Variants in GRM7 observed in about 807,000 individuals in gnomAD.
The protein encoded by GRM7 is metabotropic glutamate receptor 7.
Under a neutral mutation model 84.5 loss-of-function variants are expected in GRM7, and 35 were observed. The ratio of observed to expected loss-of-function variants is 0.41; its 90% confidence interval spans 0.32 to 0.55. The LOEUF is 0.55. Ranked by LOEUF, GRM7 falls within the 20% of genes least tolerant of loss-of-function variation. The pLI is 0.19. For synonymous variants in GRM7, 487 were observed against 455.1 expected, an observed-to-expected ratio of 1.07 and a Z score of -0.89; for missense variants, 1,003 against 1,194.6, an observed-to-expected ratio of 0.84 and a Z score of 2.36.
chr3:7,675,920 A>G (rs184927629), intron 8 of GRM7, among the ~76,000 whole-genome samples: 45 of 152,288 alleles, frequency 3.0e-4, no homozygotes, highest in Admixed American at 2.2e-3. Flanking sequence ...ATGAGGTACA[A>G]ACTATTATGA....
At chr3:7,674,346 C>T (rs1700047006) in intron 8 of GRM7, among the ~76,000 whole-genome samples, 1 of 151,980 alleles carries the variant, frequency 6.6e-6, no homozygotes, top group African/African-American at 2.4e-5. Context: ...CACCCACCAC[C>T]CCACCTAGCT....
chr3:7,312,746 A>G (rs1342499315), intron 4 of GRM7, among the ~76,000 whole-genome samples: 1 of 151,984 alleles, frequency 6.6e-6, no homozygotes, highest in Non-Finnish European at 1.5e-5. Flanking sequence ...GGAACTTCAT[A>G]GAGATATTTC....
intron 1 of GRM7, among the ~76,000 whole-genome samples, chr3:6,891,807 T>G (rs1348467314): frequency 2.0e-5 from 3 of 152,266 alleles, no homozygotes; most frequent in Admixed American, 6.5e-5. Flanking sequence ...AAGTTCTCCT[T>G]TATAATATCC....
chr3:6,901,470 T>C (rs981807411), intron 1 of GRM7, among the ~76,000 whole-genome samples: 1 of 151,778 alleles, frequency 6.6e-6, no homozygotes, highest in Admixed American at 6.6e-5. Context: ...TGGTGGTGCG[T>C]GCCTGTAGTC....
intron 9 of GRM7, among the ~76,000 whole-genome samples, chr3:7,695,959 C>T (rs1303081650): frequency 2.6e-5 from 4 of 152,116 alleles, no homozygotes; most frequent in Non-Finnish European, 4.4e-5. Context: ...TTCTCAGTTG[C>T]ACTAGTTAGA....
chr3:7,484,265 C>T (rs1699240803), intron 7 of GRM7, among the ~76,000 whole-genome samples: 1 of 152,152 alleles, frequency 6.6e-6, no homozygotes, highest in Non-Finnish European at 1.5e-5. Context: ...ACAGAATATA[C>T]TCTTCAATGA....
chr3:7,726,613 C>A (rs1332609451), intron 9 of GRM7, among the ~76,000 whole-genome samples: 84 of 58,098 alleles, frequency 1.4e-3, no homozygotes, highest in South Asian at 4.4e-3. Context: ...CTCTCTCCCT[C>A]TATATATATA....
chr3:7,303,011 G>A (rs1359486657), intron 3 of GRM7, among the ~76,000 whole-genome samples: 3 of 146,450 alleles, frequency 2.0e-5, no homozygotes, highest in African/African-American at 7.9e-5. Context: ...CGCGATCTCA[G>A]CTCACTGAAA....
At chr3:7,076,071 T>C (rs12054307) in intron 1 of GRM7, among the ~76,000 whole-genome samples, 22,216 of 152,048 alleles carry the variant, frequency 0.15, 2,663 homozygotes, top group African/African-American at 0.34. Flanking sequence ...AAATTTACTG[T>C]GTTCCTGCCA....
At chr3:7,710,070 G>A (rs1701527488) in intron 9 of GRM7, among the ~76,000 whole-genome samples, 1 of 151,990 alleles carries the variant, frequency 6.6e-6, no homozygotes, top group African/African-American at 2.4e-5. Flanking sequence ...TAAGTACTAT[G>A]CATAAGTATG....
At chr3:7,261,021 G>A (rs950961622) in intron 2 of GRM7, among the ~76,000 whole-genome samples, 1 of 152,094 alleles carries the variant, frequency 6.6e-6, no homozygotes, top group Non-Finnish European at 1.5e-5. Flanking sequence ...TGCTAGGGGG[G>A]TGCCAGTCTT....
intron 8 of GRM7, among the ~76,000 whole-genome samples, chr3:7,630,510 A>T (rs1166292542): frequency 6.6e-6 from 1 of 152,184 alleles, no homozygotes; most frequent in Non-Finnish European, 1.5e-5. Context: ...AGGAAAGATA[A>T]CAAGGGGAAA....
chr3:7,108,396 G>T (rs866676218), intron 1 of GRM7, among the ~76,000 whole-genome samples: 1 of 151,998 alleles, frequency 6.6e-6, no homozygotes, highest in Non-Finnish European at 1.5e-5. Context: ...ATTGAACACA[G>T]GTCCACTACC....
chr3:7,027,474 C>A (rs138846843), intron 1 of GRM7, among the ~76,000 whole-genome samples: 1 of 152,242 alleles, frequency 6.6e-6, no homozygotes, highest in South Asian at 2.1e-4. Context: ...TTACATCCAA[C>A]GAGCTTACTC....
intron 4 of GRM7, among the ~76,000 whole-genome samples, chr3:7,351,243 A>G (rs1342350301): frequency 2.0e-5 from 3 of 150,582 alleles, no homozygotes; most frequent in Non-Finnish European, 4.4e-5. Flanking sequence ...CTTGTGTCCC[A>G]GAGAACACAA....
intron 1 of GRM7, among the ~76,000 whole-genome samples, chr3:7,073,695 G>A (rs576409450): frequency 1.3e-5 from 2 of 152,196 alleles, no homozygotes; most frequent in African/African-American, 4.8e-5. Context: ...GAATTTTATT[G>A]GGACTTTAAC....
intron 2 of GRM7, among the ~76,000 whole-genome samples, chr3:7,289,252 G>C (rs1699536252): frequency 2.0e-5 from 3 of 152,268 alleles, no homozygotes; most frequent in African/African-American, 7.2e-5. Context: ...GCTTTGCAAA[G>C]ACTTCTTGAA....
intron 5 of GRM7, among the ~76,000 whole-genome samples, chr3:7,423,220 C>A (rs886190919): frequency 2.6e-5 from 4 of 152,148 alleles, no homozygotes; most frequent in Non-Finnish European, 5.9e-5. Flanking sequence ...TGTGCAGAAG[C>A]AAGCCAAACA....
At chr3:7,193,858 C>A (rs540068603) in intron 2 of GRM7, among the ~76,000 whole-genome samples, 1 of 152,138 alleles carries the variant, frequency 6.6e-6, no homozygotes, top group African/African-American at 2.4e-5. Flanking sequence ...CTGGAAGAAA[C>A]CTTGTAGCAC....
Sources: allele counts gnomAD v4.1 joint callset (sites outside exome capture counted in the v4.1 genomes callset), GRCh38; gene constraint gnomAD v4.1.1; transcripts MANE v1.5; gene names NCBI Gene and HGNC (gene_info 2026-07-23, HGNC 2026-07-21).